The following GYS2 variants were observed in gnomAD, a reference collection of about 807,000 sequenced individuals.
GYS2 encodes the protein glycogen [starch] synthase, liver.
GYS2 carries 80 observed loss-of-function variants against 85.6 expected under a neutral mutation model. The observed-to-expected ratio is 0.93, with a 90% confidence interval of 0.78 to 1.13. The LOEUF (loss-of-function observed/expected upper bound fraction) is 1.13, where lower values mean the gene tolerates loss of function less well. GYS2 is among the 50% of genes most tolerant of loss of function. The pLI is 0.00. For synonymous variants in GYS2, 328 were observed against 300.7 expected, an observed-to-expected ratio of 1.09 and a Z score of -0.94; for missense variants, 881 against 854.9, an observed-to-expected ratio of 1.03 and a Z score of -0.38.
At chr12:21,559,966 A>G (rs1301673503) in intron 8 of GYS2, among the ~76,000 whole-genome samples, 4 of 152,194 alleles carry the variant, frequency 2.6e-5, no homozygotes, top group Admixed American at 1.3e-4. Flanking sequence ...TGATTGGAAC[A>G]GGATAGAGAG....
Position 21,584,002 on chromosome 12 carries a change from C to T in GYS2, c.122-3479G>A, listed in dbSNP as rs185684760. Among the ~76,000 whole-genome samples the T allele has an allele frequency of 3.9e-5, 6 of 152,268 alleles. No individual in the cohort carries two copies. The East Asian group carries it at 1.2e-3, about 30-fold the overall frequency. ...TGGGGAGTTCCCTATGATCAGCTGA[C>T]AGAGGAAGAGAAGACTAGGTCCTGG... On this transcript the variant is annotated intron_variant, in intron 1 of 15. Coordinates refer to ENST00000261195, the MANE Select transcript of GYS2 (RefSeq NM_021957.4).
intron 4 of GYS2, among the ~76,000 whole-genome samples, chr12:21,571,538 T>C (rs938399332): frequency 6.6e-6 from 1 of 152,206 alleles, no homozygotes; most frequent in African/African-American, 2.4e-5. Context: ...GTAATTGAAG[T>C]TGACTAGCTC....
chr12:21,538,207 AG>A (rs1349265842), intron 15 of GYS2, among the ~76,000 whole-genome samples: 3 of 152,216 alleles, frequency 2.0e-5, no homozygotes, highest in Non-Finnish European at 4.4e-5. Flanking sequence ...CATGAAAGTC[AG>A]AATTTGTAGC....
At chr12:21,534,470 T>C (rs555316550), downstream of GYS2, among the ~76,000 whole-genome samples, 66 of 150,428 alleles carry the variant, frequency 4.4e-4, no homozygotes, top group African/African-American at 1.1e-3. Flanking sequence ...TGAGCCAAGA[T>C]GACACCACTG....
chr12:21,582,997 G>A (rs771316416), intron 1 of GYS2, among the ~76,000 whole-genome samples: 5 of 152,144 alleles, frequency 3.3e-5, no homozygotes, highest in Admixed American at 1.3e-4. Flanking sequence ...TTGTAAGTTC[G>A]CTGGACAAAG....
At chr12:21,595,541 C>A (rs1329888354) in intron 1 of GYS2, among the ~76,000 whole-genome samples, 4 of 152,210 alleles carry the variant, frequency 2.6e-5, no homozygotes, top group African/African-American at 9.6e-5. Context: ...GCAGGCCATT[C>A]CTGCCTGGCA....
chr12:21,584,839 C>T (rs1944555333), intron 1 of GYS2, among the ~76,000 whole-genome samples: 1 of 152,206 alleles, frequency 6.6e-6, no homozygotes, highest in South Asian at 2.1e-4. Context: ...GTATTCCACA[C>T]AGCATTGCTT....
In GYS2 at chr12:21,562,962, C is replaced by G; in HGVS notation, c.1018G>C (p.Asp340His). ...GRYEFSNKGA[D>H]IFLESLSRLN... ...CTGGATAAGGATTCTAGGAAGATGT[C>G]AGCTCCTTTGTTTGAAAACTCATAC... Residue 340 changes from aspartate (D) to histidine (H), a missense_variant, in exon 7 of 16, where the codon GAC (aspartate) becomes CAC (histidine). By Grantham distance (81) the Asp-to-His change is moderately conservative. Coordinates refer to ENST00000261195, the MANE Select transcript of GYS2 (RefSeq NM_021957.4). 6.2e-7 allele frequency: 1 copy of G among 1,612,054 alleles called. No individual in the cohort carries two copies. The highest frequency in any genetic ancestry group is 8.5e-7 in the Non-Finnish European group (1 of 1,178,216).
intron 11 of GYS2, among the ~76,000 whole-genome samples, chr12:21,556,537 G>A (rs1311248580): frequency 6.6e-6 from 1 of 152,142 alleles, no homozygotes; most frequent in African/African-American, 2.4e-5. Context: ...ATGCACCAAT[G>A]TCTCTCCTTC....
chr12:21,535,603 T>C (rs370457661), downstream of GYS2, among the ~76,000 whole-genome samples: 5 of 152,226 alleles, frequency 3.3e-5, no homozygotes, highest in South Asian at 4.1e-4. Context: ...TTCTACTTTT[T>C]TCTAGCTACT....
chr12:21,559,011 G>A (rs1220619096), intron 10 of GYS2, 80 bp downstream of exon 10: 2 of 823,914 alleles, frequency 2.4e-6, no homozygotes, highest in African/African-American at 3.4e-5. Flanking sequence ...TTCCAAATTA[G>A]CACATTCCAA....
At chr12:21,557,845 G>T (rs1469267244) in intron 11 of GYS2, among the ~76,000 whole-genome samples, 1 of 152,068 alleles carries the variant, frequency 6.6e-6, no homozygotes, top group Non-Finnish European at 1.5e-5. Context: ...CTTGCAGTGA[G>T]CCGAGATAGC....
At chr12:21,574,001 AAGCTTTGTCATGAATATTGATT>A in intron 4 of GYS2, 121 bp downstream of exon 4, 2 of 705,874 alleles carry the variant, frequency 2.8e-6, no homozygotes, top group Non-Finnish European at 5.0e-6. Flanking sequence ...AACCCAAGGG[AAGCTTTGTCATGAATATTGATT>A]AGCTAAAAGG....
Position 21,580,392 on chromosome 12 carries a change from T to C in GYS2, c.253A>G (p.Asn85Asp). 1.2e-6 allele frequency: 2 copies of C among 1,613,952 alleles called. No individual in the cohort carries two copies. Among genetic ancestry groups the C allele is most frequent in the Non-Finnish European group, 1.7e-6 (2 of 1,179,902 alleles). Reference protein sequence around the residue: ...KTQVEQCEPVNDAVRRAVDAM... With the variant: ...KTQVEQCEPVDDAVRRAVDAM... ...TCCACTGCTCTTCTGACAGCATCATTTACAGGTTCACACTGTTCCACCTGA... is the reference window on the plus strand; with the variant it reads ...TCCACTGCTCTTCTGACAGCATCATCTACAGGTTCACACTGTTCCACCTGA... The change falls in exon 2 of 16, where the codon AAT becomes GAT. Residue 85 changes from asparagine to aspartate, a missense_variant. By Grantham distance (23) the Asn-to-Asp change is conservative. Coordinates refer to ENST00000261195, the MANE Select transcript of GYS2 (RefSeq NM_021957.4).
intron 14 of GYS2, 70 bp from the exon 15 acceptor site, chr12:21,539,408 A>G (rs1317517710): frequency 1.4e-5 from 12 of 852,382 alleles, no homozygotes; most frequent in Non-Finnish European, 2.4e-5. Flanking sequence ...GTTATTAAAT[A>G]AGGCCTTATT....
chr12:21,547,342 C>T (rs917991977), intron 11 of GYS2, among the ~76,000 whole-genome samples: 8 of 152,046 alleles, frequency 5.3e-5, no homozygotes, highest in Non-Finnish European at 1.2e-4. Context: ...AACTTTATTC[C>T]TAATTGCCAA....
chr12:21,533,055 A>C, downstream of GYS2: 1 of 152,092 alleles, frequency 6.6e-6, no homozygotes, highest in South Asian at 2.1e-4. Flanking sequence ...CCTTCACATT[A>C]TATGGCTTGT....
At chr12:21,592,278 T>C (rs545425184) in intron 1 of GYS2, among the ~76,000 whole-genome samples, 2 of 150,816 alleles carry the variant, frequency 1.3e-5, no homozygotes, top group Admixed American at 6.6e-5. Context: ...ATGGCAGGAA[T>C]AAGCTCTCAC....
intron 11 of GYS2, among the ~76,000 whole-genome samples, chr12:21,546,855 A>G (rs1295036247): frequency 6.6e-6 from 1 of 152,146 alleles, no homozygotes; most frequent in Non-Finnish European, 1.5e-5. Flanking sequence ...TTGAGCAGGG[A>G]AGAGGGGGCT....
Sources: allele counts gnomAD v4.1 joint callset (sites outside exome capture counted in the v4.1 genomes callset), GRCh38; gene constraint gnomAD v4.1.1; transcripts MANE v1.5; gene names NCBI Gene and HGNC (gene_info 2026-07-23, HGNC 2026-07-21).